DYRK1A: variants seen among roughly 807,000 people sequenced by gnomAD.
DYRK1A encodes the protein dual specificity tyrosine-phosphorylation-regulated kinase 1A.
In DYRK1A, 9 loss-of-function variants were observed where a neutral mutation model predicts 79.7. That is an observed-to-expected ratio of 0.11 (90% CI 0.07 to 0.20). The LOEUF (loss-of-function observed/expected upper bound fraction) is 0.20. Ranked by LOEUF, DYRK1A falls within the 10% of genes least tolerant of loss-of-function variation. The probability of loss-of-function intolerance (pLI) is 1.00; values close to 1 mark genes in which losing one functional copy is unlikely to be tolerated. For missense variants in DYRK1A, 622 were observed against 956.0 expected, an observed-to-expected ratio of 0.65 and a Z score of 4.61; for synonymous variants, 349 against 329.7, an observed-to-expected ratio of 1.06 and a Z score of -0.63.
At chr21:37,503,645 A>G (rs1307930249) in intron 9 of DYRK1A, 4 of 151,340 alleles carry the variant, frequency 2.6e-5, no homozygotes, top group African/African-American at 9.7e-5. Context: ...CTGGTCTTGA[A>G]CTCCTGGACT....
chr21:37,496,923 A>G (rs1601292340), intron 9 of DYRK1A, among the ~76,000 whole-genome samples: 1 of 152,284 alleles, frequency 6.6e-6, no homozygotes, highest in Non-Finnish European at 1.5e-5. Flanking sequence ...AAATGATGCC[A>G]ATTTTGCATC....
chr21:37,367,821 A>G (rs1349354916), intron 1 of DYRK1A, among the ~76,000 whole-genome samples, 193 bp downstream of exon 1: 1 of 149,990 alleles, frequency 6.7e-6, no homozygotes, highest in Non-Finnish European at 1.5e-5. Context: ...GGCGGGCGCG[A>G]GCGGAGGGAA....
At chr21:37,408,355 T>A (rs2050185864) in intron 1 of DYRK1A, among the ~76,000 whole-genome samples, 1 of 152,170 alleles carries the variant, frequency 6.6e-6, no homozygotes, top group Non-Finnish European at 1.5e-5. Flanking sequence ...TATACAGAAG[T>A]GGAGAGAATA....
intron 1 of DYRK1A, among the ~76,000 whole-genome samples, chr21:37,413,198 A>G (rs2050274668): frequency 6.6e-6 from 1 of 152,188 alleles, no homozygotes; most frequent in South Asian, 2.1e-4. Flanking sequence ...TAATAGACTC[A>G]TTGGAAGAAA....
rs747396557 is a variant in DYRK1A, at chr21:37,512,166, C to G, written c.1900C>G (p.Gln634Glu). 6.2e-7 allele frequency: 1 copy of G among 1,614,196 alleles called. No individual in the cohort carries two copies. The highest frequency in any genetic ancestry group is 8.5e-7 in the Non-Finnish European group (1 of 1,180,032). The change falls in exon 12 of 12, where the codon CAA becomes GAA. Residue 634 changes from glutamine (Q) to glutamate (E), a missense_variant. Coordinates refer to ENST00000647188, the MANE Select transcript of DYRK1A (RefSeq NM_001347721.2). ...YNSPTNSSST[Q>E]DSMEVGHSHH... ...TTCTCCAACGAATAGCTCCTCTACCCAAGATTCTATGGAGGTTGGCCACAG... is the reference window on the plus strand; with the variant it reads ...TTCTCCAACGAATAGCTCCTCTACCGAAGATTCTATGGAGGTTGGCCACAG...
chr21:37,503,193 A>T (rs1408861039), intron 9 of DYRK1A: 2 of 152,204 alleles, frequency 1.3e-5, no homozygotes, highest in Non-Finnish European at 2.9e-5. Flanking sequence ...CCTCAGATAC[A>T]GTCTTGCCAA....
chr21:37,450,975 C>T (rs1490444428), intron 2 of DYRK1A, among the ~76,000 whole-genome samples: 1 of 152,146 alleles, frequency 6.6e-6, no homozygotes, highest in Non-Finnish European at 1.5e-5. Flanking sequence ...CTACAAAAAT[C>T]CTATCACCTA....
At chr21:37,381,152 A>C (rs368797449) in intron 1 of DYRK1A, among the ~76,000 whole-genome samples, 30 of 152,346 alleles carry the variant, frequency 2.0e-4, no homozygotes, top group African/African-American at 6.7e-4. Context: ...ACATTTGTTG[A>C]ATGAATCAGT....
intron 8 of DYRK1A, among the ~76,000 whole-genome samples, chr21:37,494,818 C>G (rs1001202538): frequency 1.3e-5 from 2 of 151,734 alleles, no homozygotes; most frequent in South Asian, 2.1e-4. Context: ...TGTGGTGTTG[C>G]GTGCCTGTAA....
chr21:37,374,481 A>G (rs1374718133), intron 1 of DYRK1A, among the ~76,000 whole-genome samples: 1 of 151,784 alleles, frequency 6.6e-6, no homozygotes, highest in Non-Finnish European at 1.5e-5. Flanking sequence ...TCTTCTGGAG[A>G]ACTTGTCAAA....
In DYRK1A at chr21:37,373,043, G is replaced by A. The variant is rs144057423; in HGVS notation, c.-77+5415G>A. ...GAAGAAGTTTTTCTTGATCATGGCT[G>A]TAACTCCAGTGCCTGGCACATAGGG... is the stretch of plus-strand genomic sequence containing the variant. On this transcript the variant is annotated intron_variant, in intron 1 of 11. Transcript: ENST00000647188. Among the ~76,000 whole-genome samples, 443 of 152,306 alleles carry A rather than the reference G, an allele frequency of 2.9e-3. 1 individual carries two copies. The highest frequency in any genetic ancestry group is 3.4e-3 in the Middle Eastern group (1 of 294).
intron 1 of DYRK1A, among the ~76,000 whole-genome samples, chr21:37,390,751 G>A (rs1382887179): frequency 1.3e-5 from 2 of 151,892 alleles, no homozygotes; most frequent in Non-Finnish European, 2.9e-5. Context: ...TGTATTTTTA[G>A]TAGAGATGGG....
At chr21:37,385,875 A>AGATGG in intron 1 of DYRK1A, among the ~76,000 whole-genome samples, 1 of 152,308 alleles carries the variant, frequency 6.6e-6, no homozygotes, top group African/African-American at 2.4e-5. Flanking sequence ...TTCCTCCTTC[A>AGATGG]GATGGTATGA....
intron 2 of DYRK1A, among the ~76,000 whole-genome samples, chr21:37,467,106 G>GAAAAAAA (rs5843833): frequency 2.3e-5 from 3 of 130,746 alleles, no homozygotes; most frequent in Admixed American, 1.5e-4. Context: ...ATTTACAAAA[G>GAAAAAAA]AAAAAAAAAA....
Position 37,506,025 on chromosome 21 carries a change from A to T in DYRK1A, c.1520-74A>T, listed in dbSNP as rs73220418. On this transcript the variant is annotated intron_variant, in intron 10 of 11. Coordinates refer to ENST00000647188, the MANE Select transcript of DYRK1A (RefSeq NM_001347721.2). The stretch of plus-strand genomic sequence containing the variant: ...TGAGTACTTTCAGTTTTAATGGTAT[A>T]GCTTCAGAGTATAAATTTGAACAAA... 11,200 of 1,507,320 alleles carry T rather than the reference A, an allele frequency of 7.4e-3. 80 individuals carry two copies. Among genetic ancestry groups the T allele is most frequent in the Non-Finnish European group, 7.9e-3 (8,874 of 1,122,486 alleles). 93.4% of individuals were successfully genotyped at this position (1,507,320 alleles called of 1,614,324 possible). A position where few individuals can be genotyped will look rare whatever the true frequency, so the allele number is the denominator to read the frequency against.
intron 3 of DYRK1A, among the ~76,000 whole-genome samples, chr21:37,476,263 G>A (rs2052389633): frequency 6.6e-6 from 1 of 152,172 alleles, no homozygotes; most frequent in African/African-American, 2.4e-5. Context: ...AATGGTCACA[G>A]GAATGGTATT....
chr21:37,441,250 A>G (rs2051094101), intron 2 of DYRK1A, among the ~76,000 whole-genome samples: 1 of 152,090 alleles, frequency 6.6e-6, no homozygotes, highest in African/African-American at 2.4e-5. Context: ...CCAGATGTTT[A>G]CTTTTAATCT....
At chr21:37,413,628 C>G (rs1047427185) in intron 1 of DYRK1A, among the ~76,000 whole-genome samples, 1 of 152,008 alleles carries the variant, frequency 6.6e-6, no homozygotes, top group Admixed American at 6.6e-5. Context: ...ATGAGATTAC[C>G]CTAGATGTTC....
Position 37,517,397 on chromosome 21 carries a change from G to C in DYRK1A, c.*4866G>C, listed in dbSNP as rs1399766254. On this transcript the variant is annotated 3_prime_UTR_variant, in exon 12 of 12. Coordinates refer to ENST00000647188, the MANE Select transcript of DYRK1A (RefSeq NM_001347721.2). The stretch of plus-strand genomic sequence containing the variant: ...GGTATAAGTGCTTAATGTTTCATCT[G>C]TCTGAAAGACCAGCTATTTGATAAT... 2 of 152,176 alleles carry C rather than the reference G, an allele frequency of 1.3e-5. No individual in the cohort carries two copies. Among genetic ancestry groups the C allele is most frequent in the African/African-American group, 4.8e-5 (2 of 41,448 alleles). 9.4% of individuals were successfully genotyped at this position (152,176 alleles called of 1,614,324 possible). A position where few individuals can be genotyped will look rare whatever the true frequency, so the allele number is the denominator to read the frequency against.
Sources: allele counts gnomAD v4.1 joint callset (sites outside exome capture counted in the v4.1 genomes callset), GRCh38; gene constraint gnomAD v4.1.1; transcripts MANE v1.5; gene names NCBI Gene and HGNC (gene_info 2026-07-23, HGNC 2026-07-21).